ANKFY1: variants seen among roughly 807,000 people sequenced by gnomAD.
ANKFY1 encodes the protein ankyrin repeat and FYVE domain containing 1, also known as ankyrin repeat and FYVE domain-containing protein 1.
A neutral mutation model predicts 128.3 loss-of-function variants in ANKFY1; 47 were observed. The observed-to-expected ratio is 0.37, with a 90% confidence interval of 0.29 to 0.47. ANKFY1 has a LOEUF of 0.47. Among genes scored for constraint, ANKFY1 ranks in the 20% least tolerant of loss-of-function variants. The pLI, the probability that ANKFY1 is intolerant of heterozygous loss-of-function variation, is 1.00. For synonymous variants in ANKFY1, 553 were observed against 601.6 expected, an observed-to-expected ratio of 0.92 and a Z score of 1.18; for missense variants, 1,222 against 1,510.6, an observed-to-expected ratio of 0.81 and a Z score of 3.17.
At chr17:4,218,556 G>A (rs912779273) in intron 3 of ANKFY1, among the ~76,000 whole-genome samples, 2 of 152,194 alleles carry the variant, frequency 1.3e-5, no homozygotes, top group Non-Finnish European at 2.9e-5. Flanking sequence ...AGACCAGTGT[G>A]AGCAACATGG....
rs533557086 is a variant in ANKFY1 at position 4,190,864 on chromosome 17, C to T, written c.1373-1385G>A. ...GATAAAGAACTGTGACAGCCGGGCA[C>T]GGTGGCTCATTGCCTGTCATCCCAG... On this transcript the variant is annotated intron_variant, in intron 10 of 24. Transcript: ENST00000341657. 9.9e-5 allele frequency among the ~76,000 whole-genome samples: 15 copies of T among 152,248 alleles called. 1 individual carries two copies. The South Asian group carries it at 2.1e-3, about 21-fold the overall frequency.
intron 1 of ANKFY1, among the ~76,000 whole-genome samples, chr17:4,255,894 T>G (rs1210760538): frequency 6.6e-6 from 1 of 151,774 alleles, no homozygotes; most frequent in Non-Finnish European, 1.5e-5. Flanking sequence ...CTCAGCTCAC[T>G]GCAACCTCCG....
chr17:4,228,431 T>TC (rs1379568055), intron 3 of ANKFY1, among the ~76,000 whole-genome samples: 1 of 147,144 alleles, frequency 6.8e-6, no homozygotes, highest in African/African-American at 2.5e-5. Flanking sequence ...TTTTTTTTTT[T>TC]CTTGAGACAG....
At chr17:4,206,836 G>T (rs552746628) in intron 6 of ANKFY1, among the ~76,000 whole-genome samples, 2 of 152,346 alleles carry the variant, frequency 1.3e-5, no homozygotes, top group East Asian at 3.9e-4. Flanking sequence ...ATGAAAGGCA[G>T]TGGCGTTCCT....
At chr17:4,179,483 C>G in intron 17 of ANKFY1, 1 of 577,530 alleles carries the variant, frequency 1.7e-6, no homozygotes, top group South Asian at 2.4e-5. Context: ...AAATCTGTAA[C>G]TAAGGGGGAA....
At chr17:4,213,801 C>T (rs1428066411) in intron 4 of ANKFY1, among the ~76,000 whole-genome samples, 8 of 152,064 alleles carry the variant, frequency 5.3e-5, no homozygotes, top group Admixed American at 5.2e-4. Flanking sequence ...TCTCGATCTC[C>T]TGACTTCGGG....
chr17:4,210,077 G>T, intron 4 of ANKFY1, 130 bp from the exon 5 acceptor site: 1 of 711,438 alleles, frequency 1.4e-6, no homozygotes, highest in Non-Finnish European at 2.1e-6. Flanking sequence ...GTTAAGCAAA[G>T]GGTTATGAAT....
At position 4,179,698 on chromosome 17, in the gene ANKFY1, C is replaced by T. The variant is rs753968896; in HGVS notation, c.2397+23G>A. ...CTCATGCTGGGGCTACACCTCTCTCCCCGGAAAAGAGAAACGACACACCTG... is the reference window on the plus strand; with the variant it reads ...CTCATGCTGGGGCTACACCTCTCTCTCCGGAAAAGAGAAACGACACACCTG... On this transcript the variant is annotated intron_variant, in intron 17 of 24. Transcript: ENST00000341657. 3 of 1,611,432 alleles carry T rather than the reference C, an allele frequency of 1.9e-6. No individual in the cohort carries two copies. The Admixed American group carries it at 5.0e-5, about 27-fold the overall frequency.
chr17:4,259,920 G>C (rs1968316965), intron 1 of ANKFY1, among the ~76,000 whole-genome samples: 1 of 152,198 alleles, frequency 6.6e-6, no homozygotes, highest in Non-Finnish European at 1.5e-5. Flanking sequence ...AATAAAGTGG[G>C]TCAGTTGTGT....
At chr17:4,180,202 T>C (rs1598021029) in intron 16 of ANKFY1, 1 of 275,194 alleles carries the variant, frequency 3.6e-6, no homozygotes, top group Non-Finnish European at 7.0e-6. Context: ...CCGAGGCAGG[T>C]GGATCACCTC....
chr17:4,209,910 T>C lies in ANKFY1; in HGVS notation c.496A>G (p.Asn166Asp). The C allele has an allele frequency of 6.2e-7, 1 of 1,613,796 alleles. No homozygotes were observed. The highest frequency in any genetic ancestry group is 8.5e-7 in the Non-Finnish European group (1 of 1,179,756). The stretch of plus-strand genomic sequence containing the variant: ...GCCGTCTGGTAGAAGCGAATACAGT[T>C]CCTGACATTCACTAGAGACATAACA... The part of the protein sequence containing the change: ...KGVMSLVNVR[N>D]CIRFYQTAEE... Residue 166 changes from asparagine to aspartate, a missense_variant, in exon 5 of 25, where the codon AAC (asparagine) becomes GAC (aspartate). Asn to Asp is a conservative substitution (Grantham distance 23). Transcript: ENST00000341657.
chr17:4,256,017 C>T (rs886838233), intron 1 of ANKFY1, among the ~76,000 whole-genome samples: 14 of 151,988 alleles, frequency 9.2e-5, no homozygotes, highest in Non-Finnish European at 1.8e-4. Context: ...GGGGTTTCAC[C>T]ATGTTGCTCA....
chr17:4,169,269 A>C lies in ANKFY1; in HGVS notation c.3306T>G (p.Pro1102=). The C allele has an allele frequency of 6.4e-7, 1 of 1,550,976 alleles. No individual in the cohort carries two copies. The highest frequency in any genetic ancestry group is 1.2e-5 in the South Asian group (1 of 84,064). The part of the protein sequence containing the change: ...FRLLDMLSKE[P]PWCDGSYCYE... ...AGCAGTAGGAGCCGTCACACCACGG[A>C]GGCTCCTTGGACAGCATATCTGCAA... is the stretch of plus-strand genomic sequence containing the variant. Residue 1102 remains proline, a synonymous_variant, in exon 24 of 25, where the codon CCT becomes CCG. Transcript: ENST00000341657. This position sits in a 1 kb window ranked among gnomAD's most constrained non-coding sequence, Gnocchi z 5.0.
intron 4 of ANKFY1, among the ~76,000 whole-genome samples, chr17:4,211,660 G>C (rs74324404): frequency 6.6e-6 from 1 of 151,950 alleles, no homozygotes; most frequent in Admixed American, 6.6e-5. Context: ...TTGTGGCCAC[G>C]AGTTCAAGAC....
intron 11 of ANKFY1, chr17:4,187,917 C>T (rs112754095): frequency 6.6e-6 from 1 of 152,304 alleles, no homozygotes; most frequent in East Asian, 1.9e-4. Flanking sequence ...ATCTGCCCAC[C>T]TCAGCCTCCC....
intron 2 of ANKFY1, 147 bp from the exon 3 acceptor site, chr17:4,236,037 G>A: frequency 1.6e-6 from 1 of 610,534 alleles, no homozygotes. Flanking sequence ...CTATATGCTA[G>A]CACTGAATTC....
At chr17:4,168,599 C>T (rs545525026) in intron 24 of ANKFY1, among the ~76,000 whole-genome samples, 6 of 152,188 alleles carry the variant, frequency 3.9e-5, no homozygotes, top group Non-Finnish European at 7.4e-5. Flanking sequence ...TCCCAAGTAG[C>T]TGGGATTACA....
Position 4,169,482 on chromosome 17 carries a change from C to T in ANKFY1, c.3287-194G>A, listed in dbSNP as rs915455643. On this transcript the variant is annotated intron_variant, in intron 23 of 24. Coordinates refer to ENST00000341657, the MANE Select transcript of ANKFY1 (RefSeq NM_001330063.2). The surrounding 1 kb of genome is among the most constrained non-coding windows in gnomAD (Gnocchi z 5.0). ...GGAGACTGGAGAATCAGCCCTTGCCCGGGAGACTTGGGGAGAAGGAAACGG... is the reference window on the plus strand; with the variant it reads ...GGAGACTGGAGAATCAGCCCTTGCCTGGGAGACTTGGGGAGAAGGAAACGG... Among the ~76,000 whole-genome samples, 11 of 152,262 alleles carry T rather than the reference C, an allele frequency of 7.2e-5. No individual in the cohort carries two copies. The highest frequency in any genetic ancestry group is 3.3e-4 in the Admixed American group (5 of 15,300).
At chr17:4,230,718 G>C (rs1034709659) in intron 3 of ANKFY1, among the ~76,000 whole-genome samples, 1 of 152,058 alleles carries the variant, frequency 6.6e-6, no homozygotes, top group Admixed American at 6.5e-5. Context: ...ACTATGAAAT[G>C]GTTATAAGCT....
Sources: gnomAD v4.1 joint callset for allele counts (sites outside exome capture counted in the v4.1 genomes callset) on GRCh38, gnomAD v4.1.1 for gene constraint, Gnocchi (gnomAD v3.1) non-coding constraint, MANE v1.5 for transcripts, NCBI Gene and HGNC (gene_info 2026-07-23, HGNC 2026-07-21) for gene names.